The following KRCC1 variants were observed in gnomAD, a reference collection of about 807,000 sequenced individuals.
KRCC1 encodes the protein lysine rich coiled-coil 1.
Under a neutral mutation model 7.4 loss-of-function variants are expected in KRCC1, and 3 were observed. The ratio of observed to expected loss-of-function variants is 0.40; its 90% CI spans 0.18 to 1.04. KRCC1 has a LOEUF of 1.04. KRCC1 is among the 50% of genes least tolerant of loss of function. The probability of loss-of-function intolerance (pLI) is 0.33; values close to 1 mark genes in which losing one functional copy is unlikely to be tolerated. For synonymous variants in KRCC1, 102 were observed against 101.6 expected, an observed-to-expected ratio of 1.00 and a Z score of -0.02; for missense variants, 277 against 300.9, an observed-to-expected ratio of 0.92 and a Z score of 0.59.
chr2:88,028,651 T>TA, intron 3 of KRCC1, 66 bp from the exon 4 acceptor site: 1 of 842,266 alleles, frequency 1.2e-6, no homozygotes, highest in South Asian at 1.8e-5. Flanking sequence ...GCTCTTTTTT[T>TA]TTTTTTTTTT....
chr2:88,049,993 A>G (rs531027260), intron 1 of KRCC1, among the ~76,000 whole-genome samples: 62 of 152,128 alleles, frequency 4.1e-4, no homozygotes, highest in Admixed American at 5.9e-4. Context: ...TTAAAACTAC[A>G]TTTTCTCCAA....
chr2:88,037,788 A>C (rs569719235), intron 1 of KRCC1, among the ~76,000 whole-genome samples: 6 of 152,210 alleles, frequency 3.9e-5, no homozygotes, highest in African/African-American at 1.4e-4. Context: ...CACTGAATAG[A>C]GCTCAGACAA....
At chr2:88,029,198 G>A (rs1212461846) in intron 3 of KRCC1, among the ~76,000 whole-genome samples, 2 of 152,088 alleles carry the variant, frequency 1.3e-5, no homozygotes, top group Non-Finnish European at 2.9e-5. Flanking sequence ...TGTGTGGATA[G>A]GAACCACACA....
At chr2:88,033,714 G>C (rs1450439678) in intron 3 of KRCC1, among the ~76,000 whole-genome samples, 1 of 152,202 alleles carries the variant, frequency 6.6e-6, no homozygotes, top group East Asian at 1.9e-4. Flanking sequence ...GTAAGTGTTA[G>C]CAAGAATGTG....
Position 88,028,053 on chromosome 2 carries a change from A to G in KRCC1, c.511T>C (p.Ser171Pro), listed in dbSNP as rs371057395. 1.5e-5 allele frequency: 24 copies of G among 1,612,958 alleles called. No homozygotes were observed. The African/African-American group carries it at 3.0e-4, about 20-fold the overall frequency. ...TTATGCTTAGACCGCTCCTCCTCTG[A>G]TTTTTCTCTGCCTTCCTCTGGGTGC... ...KRHPEEGREKSEEERSKHKRK... is the reference protein window; with the variant it reads ...KRHPEEGREKPEEERSKHKRK... The change falls in exon 4 of 4, where the codon TCA (serine) becomes CCA (proline). Residue 171 changes from serine to proline, a missense_variant. Physicochemically the swap from Ser to Pro is moderately conservative, Grantham distance 74. Coordinates refer to ENST00000347055, the MANE Select transcript of KRCC1 (RefSeq NM_016618.3).
intron 1 of KRCC1, among the ~76,000 whole-genome samples, chr2:88,049,178 T>C (rs905933657): frequency 6.6e-6 from 1 of 152,204 alleles, no homozygotes; most frequent in Non-Finnish European, 1.5e-5. Flanking sequence ...AGTACATGTT[T>C]AGTATCAAAT....
At chr2:88,053,505 G>C (rs931606659) in intron 1 of KRCC1, among the ~76,000 whole-genome samples, 4 of 152,138 alleles carry the variant, frequency 2.6e-5, no homozygotes, top group African/African-American at 9.7e-5. Flanking sequence ...AACTGCTCAG[G>C]CTTATTTATT....
chr2:88,031,480 G>A (rs1446064360), intron 3 of KRCC1, among the ~76,000 whole-genome samples: 1 of 152,068 alleles, frequency 6.6e-6, no homozygotes, highest in Non-Finnish European at 1.5e-5. Flanking sequence ...AAATTAGCTG[G>A]GCATGGTGGC....
At chr2:88,034,668 A>G (rs1387222654) in intron 2 of KRCC1, among the ~76,000 whole-genome samples, 1 of 152,204 alleles carries the variant, frequency 6.6e-6, no homozygotes, top group Non-Finnish European at 1.5e-5. Flanking sequence ...CTACTTTTAA[A>G]AATATTGAAA....
intron 1 of KRCC1, among the ~76,000 whole-genome samples, chr2:88,044,401 C>CAAAAA (rs10527729): frequency 6.8e-6 from 1 of 146,648 alleles, no homozygotes; most frequent in African/African-American, 2.6e-5. Flanking sequence ...CAAAAGAAAA[C>CAAAAA]AAAAAAAAAA....
chr2:88,048,140 T>C (rs1040668541), intron 1 of KRCC1, among the ~76,000 whole-genome samples: 8 of 150,818 alleles, frequency 5.3e-5, no homozygotes, highest in Admixed American at 4.0e-4. Context: ...TGGGGTGCAG[T>C]GGTGGGATCT....
intron 3 of KRCC1, among the ~76,000 whole-genome samples, chr2:88,031,077 GA>G (rs1672982371): frequency 7.2e-5 from 1 of 13,860 alleles, no homozygotes; most frequent in Non-Finnish European, 1.7e-4. Context: ...AATTATTTTA[GA>G]GTATATTCTT....
chr2:88,037,412 T>C (rs1673113144), intron 1 of KRCC1, among the ~76,000 whole-genome samples: 1 of 152,204 alleles, frequency 6.6e-6, no homozygotes, highest in Non-Finnish European at 1.5e-5. Flanking sequence ...TGATTCTAGA[T>C]ACATCACCAA....
In KRCC1 at chr2:88,027,800, G is replaced by A. The variant is rs1276322353; in HGVS notation, c.764C>T (p.Ser255Phe). 1 of 1,585,724 alleles carries A rather than the reference G, an allele frequency of 6.3e-7. No individual in the cohort carries two copies. Among genetic ancestry groups the A allele is most frequent in the Non-Finnish European group, 8.5e-7 (1 of 1,172,288 alleles). Reference sequence around the variant, plus strand: ...TTGAAAGCTTCAAAATCCAAGAATAGACTGGTCCCAAAGCATTTCCTCCTC... The same window carrying A: ...TTGAAAGCTTCAAAATCCAAGAATAAACTGGTCCCAAAGCATTTCCTCCTC... ...RTEEEMLWDQSILGF is the reference protein window; with the variant it reads ...RTEEEMLWDQFILGF Residue 255 changes from serine (S) to phenylalanine (F), a missense_variant, in exon 4 of 4, where the codon TCT becomes TTT. Transcript: ENST00000347055.
At chr2:88,028,675 C>T (rs1041573653) in intron 3 of KRCC1, 90 bp from the exon 4 acceptor site, 19 of 689,470 alleles carry the variant, frequency 2.8e-5, no homozygotes, top group African/African-American at 4.3e-5. Flanking sequence ...CTTGAGATGG[C>T]GTCTCGCCCT....
chr2:88,046,292 C>A (rs1673332316), intron 1 of KRCC1, among the ~76,000 whole-genome samples: 1 of 152,182 alleles, frequency 6.6e-6, no homozygotes, highest in South Asian at 2.1e-4. Flanking sequence ...CTTAACCTCT[C>A]CGCCTTAGGT....
intron 1 of KRCC1, among the ~76,000 whole-genome samples, chr2:88,049,368 TG>T (rs1373302198): frequency 1.3e-5 from 2 of 152,246 alleles, no homozygotes; most frequent in Non-Finnish European, 1.5e-5. Context: ...TGAATGGGTT[TG>T]TAAGAAGGGG....
chr2:88,048,113 A>C, intron 1 of KRCC1, among the ~76,000 whole-genome samples: 1 of 132,320 alleles, frequency 7.6e-6, no homozygotes, highest in South Asian at 2.3e-4. Flanking sequence ...TGGGAGTTTC[A>C]CTCTTGTTGC....
intron 2 of KRCC1, among the ~76,000 whole-genome samples, chr2:88,035,734 C>T (rs997291909): frequency 1.3e-5 from 2 of 152,108 alleles, no homozygotes; most frequent in Non-Finnish European, 2.9e-5. Flanking sequence ...CTGTATTTTT[C>T]TACATTGAAT....
Sources: gnomAD v4.1 joint callset for allele counts (sites outside exome capture counted in the v4.1 genomes callset) on GRCh38, gnomAD v4.1.1 for gene constraint, MANE v1.5 for transcripts, NCBI Gene and HGNC (gene_info 2026-07-23, HGNC 2026-07-21) for gene names.